Variants in MAP4K3 observed in about 807,000 individuals in gnomAD.
MAP4K3 encodes mitogen-activated protein kinase kinase kinase kinase 3.
A neutral mutation model predicts 143.5 loss-of-function variants in MAP4K3; 94 were observed. The observed-to-expected ratio is 0.65, with a 90% CI of 0.55 to 0.78. The LOEUF is 0.78. Ranked by LOEUF, MAP4K3 falls within the 30% of genes least tolerant of loss-of-function variation. The pLI is 0.00. For synonymous variants in MAP4K3, 416 were observed against 347.2 expected, an observed-to-expected ratio of 1.20 and a Z score of -2.20; for missense variants, 1,077 against 1,068.1, an observed-to-expected ratio of 1.01 and a Z score of -0.12.
intron 13 of MAP4K3, 44 bp from the exon 14 acceptor site, chr2:39,309,563 TTTTTTTTTTTTTGA>T (rs1414365534): frequency 1.6e-6 from 2 of 1,254,722 alleles, no homozygotes; most frequent in Non-Finnish European, 1.1e-6. Context: ...TTTTTTTTTT[TTTTTTTTTTTTTGA>T]GGCAGAGTCT....
chr2:39,262,490 G>GA (rs1558606455), intron 28 of MAP4K3, among the ~76,000 whole-genome samples: 1 of 151,418 alleles, frequency 6.6e-6, no homozygotes, highest in Non-Finnish European at 1.5e-5. Flanking sequence ...CAACGAAGCA[G>GA]AAAAAAAACC....
At chr2:39,259,451 G>T (rs7582848) in intron 29 of MAP4K3, among the ~76,000 whole-genome samples, 104,844 of 152,062 alleles carry the variant, frequency 0.69, 39,909 homozygotes, top group Non-Finnish European at 0.84. Flanking sequence ...AGTGATGGAA[G>T]ATGATCAAAA....
chr2:39,412,221 T>C (rs1171174646), intron 1 of MAP4K3, among the ~76,000 whole-genome samples: 3 of 152,226 alleles, frequency 2.0e-5, no homozygotes, highest in Admixed American at 1.3e-4. Flanking sequence ...GTCAGGGCCC[T>C]GGAAAAAGAC....
At chr2:39,340,621 C>T (rs930569079) in intron 4 of MAP4K3, among the ~76,000 whole-genome samples, 5 of 151,970 alleles carry the variant, frequency 3.3e-5, no homozygotes, top group Admixed American at 2.6e-4. Flanking sequence ...GAATCAGACA[C>T]CTAAGACCAA....
At chr2:39,380,965 C>G (rs1003524227) in intron 1 of MAP4K3, among the ~76,000 whole-genome samples, 12 of 152,302 alleles carry the variant, frequency 7.9e-5, no homozygotes, top group African/African-American at 2.9e-4. Context: ...CATTCGCAGT[C>G]ACTCCATATT....
At chr2:39,304,148 ATT>A (rs58878976) in intron 15 of MAP4K3, among the ~76,000 whole-genome samples, 361 of 143,850 alleles carry the variant, frequency 2.5e-3, no homozygotes, top group Non-Finnish European at 2.5e-3. Context: ...TAATTATCTG[ATT>A]TTTTTTTTTT....
chr2:39,266,178 C>T (rs1049651158), intron 27 of MAP4K3, among the ~76,000 whole-genome samples: 1 of 152,154 alleles, frequency 6.6e-6, no homozygotes, highest in Non-Finnish European at 1.5e-5. Context: ...ACTCAACCAC[C>T]ATGTCTAAAC....
intron 31 of MAP4K3, among the ~76,000 whole-genome samples, chr2:39,257,809 A>AG (rs1442268601): frequency 6.6e-6 from 1 of 151,944 alleles, no homozygotes; most frequent in East Asian, 1.9e-4. Flanking sequence ...AAAAAAAAAA[A>AG]AAAAAGAAAT....
chr2:39,322,675 GTTT>G (rs1209879285), intron 12 of MAP4K3, among the ~76,000 whole-genome samples: 1 of 133,524 alleles, frequency 7.5e-6, no homozygotes, highest in Non-Finnish European at 1.6e-5. Context: ...TCTATTTTTT[GTTT>G]TTTTTTTTTG....
chr2:39,330,603 G>A, intron 8 of MAP4K3, among the ~76,000 whole-genome samples: 1 of 151,818 alleles, frequency 6.6e-6, no homozygotes, highest in Non-Finnish European at 1.5e-5. Flanking sequence ...GGAACAGGAG[G>A]GAAAATGACT....
At chr2:39,347,076 C>T (rs1014805544) in intron 3 of MAP4K3, among the ~76,000 whole-genome samples, 1 of 152,114 alleles carries the variant, frequency 6.6e-6, no homozygotes, top group Non-Finnish European at 1.5e-5. Context: ...AAGAAATTAT[C>T]TGCTCTTTAC....
At position 39,260,469 on chromosome 2, in the gene MAP4K3, T is replaced by C. The variant is rs1165377782; in HGVS notation, c.2308+137A>G. On this transcript the variant is annotated intron_variant, in intron 29 of 33. Transcript: ENST00000263881. ...TTAGCTATTTTAAAGAGAGTAATCT[T>C]CCCTTCTTCCAGTTTAATAATAGTT... 5.8e-6 allele frequency: 4 copies of C among 691,060 alleles called. No homozygotes were observed. The Admixed American group carries it at 1.2e-4, about 21-fold the overall frequency. 42.8% of individuals were successfully genotyped at this position (691,060 alleles called of 1,614,324 possible). A position where few individuals can be genotyped will look rare whatever the true frequency, so the allele number is the denominator to read the frequency against.
Position 39,272,316 on chromosome 2 carries a change from G to T in MAP4K3, c.1940C>A (p.Pro647Gln), listed in dbSNP as rs1341491093. Residue 647 changes from proline to glutamine, a missense_variant, in exon 26 of 34, where the codon CCA becomes CAA. Around this residue, in one of 2 missense-constraint regions of MAP4K3, gnomAD observed 864 missense variants for 801.2 expected, o/e 1.08. Coordinates refer to ENST00000263881, the MANE Select transcript of MAP4K3 (RefSeq NM_003618.4). The stretch of plus-strand genomic sequence containing the variant: ...TATTCTGTCAGGGAGTTTGTGTGCT[G>T]GAATAGCAACAGGTAACTTTTGCAT... ...RQMQKLPVAI[P>Q]AHKLPDRILP... 1 of 1,613,594 alleles carries T rather than the reference G, an allele frequency of 6.2e-7. No individual in the cohort carries two copies.
At chr2:39,318,365 T>C (rs2148508056) in intron 12 of MAP4K3, among the ~76,000 whole-genome samples, 1 of 152,164 alleles carries the variant, frequency 6.6e-6, no homozygotes, top group South Asian at 2.1e-4. Flanking sequence ...AGAACCAACC[T>C]GCACATGTAC....
chr2:39,398,713 AAAT>A lies in MAP4K3; in HGVS notation c.97-20593_97-20591del, dbSNP rs60507971. Among the ~76,000 whole-genome samples the A allele has an allele frequency of 4.1e-4, 57 of 140,424 alleles. 1 individual carries two copies. Among genetic ancestry groups the A allele is most frequent in the African/African-American group, 1.4e-3 (50 of 36,608 alleles). 92.1% of individuals were successfully genotyped at this position (140,424 alleles called of 152,430 possible). A position where few individuals can be genotyped will look rare whatever the true frequency, so the allele number is the denominator to read the frequency against. Reference sequence around the variant, plus strand: ...CCTTTGATGGTTTCAGGAATAATTAAAATAATAATAATAATAATAATAATAATA... The same window carrying A: ...CCTTTGATGGTTTCAGGAATAATTAAAATAATAATAATAATAATAATAATA... On this transcript the variant is annotated intron_variant, in intron 1 of 33. Coordinates refer to ENST00000263881, the MANE Select transcript of MAP4K3 (RefSeq NM_003618.4).
intron 1 of MAP4K3, among the ~76,000 whole-genome samples, chr2:39,387,169 G>C (rs1163745589): frequency 6.6e-6 from 1 of 152,016 alleles, no homozygotes; most frequent in African/African-American, 2.4e-5. Flanking sequence ...ATAATTTTGT[G>C]ATTCCTCCAA....
At position 39,265,462 on chromosome 2, in the gene MAP4K3, G is replaced by A. The variant is rs138420583; in HGVS notation, c.2033-156C>T. Among the ~76,000 whole-genome samples the A allele has an allele frequency of 2.6e-3, 398 of 152,208 alleles. 1 individual carries two copies. The highest frequency in any genetic ancestry group is 8.9e-3 in the African/African-American group (371 of 41,536). On this transcript the variant is annotated intron_variant, in intron 27 of 33. Transcript: ENST00000263881. ...CAGTTTCTTAATTAGAGGGCTGGGT[G>A]AAAAAAATACTGTTTCAGGTAATAG...
intron 28 of MAP4K3, chr2:39,261,138 G>A (rs923883928): frequency 5.8e-6 from 1 of 173,862 alleles, no homozygotes; most frequent in East Asian, 1.7e-4. Flanking sequence ...TGCTTCTTCA[G>A]TTATACTCCT....
At chr2:39,348,617 C>T (rs1319384415) in intron 3 of MAP4K3, among the ~76,000 whole-genome samples, 1 of 152,052 alleles carries the variant, frequency 6.6e-6, no homozygotes, top group East Asian at 1.9e-4. Context: ...AAATCTTTGT[C>T]CCTAGGTATC....
Sources: allele counts gnomAD v4.1 joint callset (sites outside exome capture counted in the v4.1 genomes callset), GRCh38; gene constraint gnomAD v4.1.1; regional missense constraint gnomAD v4.1.1; transcripts MANE v1.5; gene names NCBI Gene and HGNC (gene_info 2026-07-23, HGNC 2026-07-21).